IL3RA: variants seen among roughly 807,000 people sequenced by gnomAD.
The protein encoded by IL3RA is interleukin-3 receptor subunit alpha.
Under a neutral mutation model 52.3 loss-of-function variants are expected in IL3RA, and 73 were observed. The ratio of observed to expected loss-of-function variants is 1.40; its 90% CI spans 1.16 to 1.70. The LOEUF is 1.70. Ranked by LOEUF, IL3RA falls within the 40% of genes most tolerant of loss-of-function variation. The pLI is 0.00. For synonymous variants in IL3RA, 260 were observed against 194.0 expected, an observed-to-expected ratio of 1.34 and a Z score of -2.83; for missense variants, 664 against 504.4, an observed-to-expected ratio of 1.32 and a Z score of -3.03.
intron 4 of IL3RA, among the ~76,000 whole-genome samples, chrX:1,348,754 CCTCT>C (rs763185346): frequency 0.026 from 3,547 of 135,234 alleles, 109 homozygotes; most frequent in Non-Finnish European, 0.041. Flanking sequence ...TTCCTTCTTT[CCTCT>C]CTTTCTTTTC....
rs772199553 is a variant in IL3RA, at chrX:1,348,317, C to T, written c.184-114C>T. On this transcript the variant is annotated intron_variant, in intron 3 of 11. Coordinates refer to ENST00000331035, the MANE Select transcript of IL3RA (RefSeq NM_002183.4). ...GCAGTGAGCCGAGATCACGCCACTG[C>T]ACTCCAGCGTGGGCGACGAGAGCGA... 132 of 802,692 alleles carry T rather than the reference C, an allele frequency of 1.6e-4. No individual in the cohort carries two copies. The East Asian group carries it at 3.0e-3, about 18-fold the overall frequency. The allele number at this position is 802,692 out of a possible 1,614,324, so 49.7% of individuals were successfully genotyped here. A position where few individuals can be genotyped will look rare whatever the true frequency, so the allele number is the denominator to read the frequency against.
chrX:1,347,830 A>G (rs1184975960), intron 3 of IL3RA, among the ~76,000 whole-genome samples: 3 of 148,838 alleles, frequency 2.0e-5, no homozygotes, highest in Non-Finnish European at 4.4e-5. Context: ...CGAGGTCAGG[A>G]GATCGAGACC....
intron 9 of IL3RA, among the ~76,000 whole-genome samples, chrX:1,378,182 CAAAAA>C (rs370693489): frequency 1.2e-5 from 1 of 86,306 alleles, no homozygotes; most frequent in Non-Finnish European, 2.5e-5. Context: ...GACTCCATCT[CAAAAA>C]AAAAAAAAAA....
In IL3RA at chrX:1,378,775, G is replaced by C. The variant is rs374884542; in HGVS notation, c.980+11G>C. ...CGTGATCTGCAGAAGGTGAGCCCTCGAGGGCGTCCGCGAGCGTCGCTTGTT... is the reference window on the plus strand; with the variant it reads ...CGTGATCTGCAGAAGGTGAGCCCTCCAGGGCGTCCGCGAGCGTCGCTTGTT... On this transcript the variant is annotated intron_variant, in intron 10 of 11. Transcript: ENST00000331035. The C allele has an allele frequency of 2.5e-6, 4 of 1,609,898 alleles. No homozygotes were observed. In the East Asian group the frequency reaches 8.9e-5, roughly 36 times the overall value.
intron 2 of IL3RA, among the ~76,000 whole-genome samples, chrX:1,344,204 C>T (rs1364436818): frequency 5.3e-5 from 8 of 152,004 alleles, no homozygotes; most frequent in Admixed American, 2.6e-4. Context: ...GAGGCTGAGG[C>T]AGGCAGATCA....
chrX:1,349,847 G>C (rs1247850225), intron 4 of IL3RA, among the ~76,000 whole-genome samples: 1 of 149,754 alleles, frequency 6.7e-6, no homozygotes, highest in East Asian at 2.1e-4. Flanking sequence ...ATTTTAAGTA[G>C]AGACGGGGCT....
chrX:1,344,001 A>G (rs1311113979), intron 2 of IL3RA, among the ~76,000 whole-genome samples: 16 of 151,780 alleles, frequency 1.1e-4, no homozygotes, highest in Admixed American at 2.6e-4. Flanking sequence ...TCACCGTGTT[A>G]GCCAGGATGG....
chrX:1,382,253 G>A, intron 11 of IL3RA, 138 bp from the exon 12 acceptor site: 3 of 817,816 alleles, frequency 3.7e-6, no homozygotes, highest in Non-Finnish European at 6.2e-6. Flanking sequence ...CTGGCCCAAA[G>A]TGCTGGGATG....
At chrX:1,348,647 TTTCTTTCTTTCTTTCTTTCTTTCTTTC>T (rs2085897948) in intron 4 of IL3RA, 102 bp downstream of exon 4, 13 of 308,022 alleles carry the variant, frequency 4.2e-5, no homozygotes, top group East Asian at 2.9e-4. Flanking sequence ...TCTTTTTCTC[TTTCTTTCTTTCTTTCTTTCTTTCTTTC>T]TTTCTTTCTT....
chrX:1,337,351 G>A (rs747721055), intron 1 of IL3RA, among the ~76,000 whole-genome samples: 7 of 152,208 alleles, frequency 4.6e-5, no homozygotes, highest in South Asian at 4.2e-4. Flanking sequence ...ACTGCCAGCC[G>A]GGGAGCCGCT....
chrX:1,382,323 C>G, intron 11 of IL3RA, 68 bp from the exon 12 acceptor site: 1 of 986,984 alleles, frequency 1.0e-6, no homozygotes, highest in Non-Finnish European at 1.4e-6. Flanking sequence ...CAGGCCCCCG[C>G]AGATCAGGAC....
In IL3RA at chrX:1,345,422, C is replaced by T; in HGVS notation, c.171C>T (p.Asp57=). 1.3e-6 allele frequency: 2 copies of T among 1,590,828 alleles called. No individual in the cohort carries two copies. The highest frequency in any genetic ancestry group is 1.7e-6 in the Non-Finnish European group (2 of 1,163,542). ...ATATCGAGTGTGTTAAAGACGCCGA[C>T]TATTCTATGCCGGTAAATCATACTC... ...VTDIECVKDA[D]YSMPAVNNSY... The change falls in exon 3 of 12, where the codon GAC becomes GAT. Residue 57 remains aspartate, a synonymous_variant. Coordinates refer to ENST00000331035, the MANE Select transcript of IL3RA (RefSeq NM_002183.4).
chrX:1,344,579 C>G (rs2085644217), intron 2 of IL3RA, among the ~76,000 whole-genome samples: 1 of 151,146 alleles, frequency 6.6e-6, no homozygotes, highest in Admixed American at 6.6e-5. Context: ...TCGAGACCAT[C>G]CTGGCCAACA....
chrX:1,381,008 T>A lies in IL3RA; in HGVS notation c.981-15T>A, dbSNP rs2089152024. 1 of 1,612,598 alleles carries A rather than the reference T, an allele frequency of 6.2e-7. No individual in the cohort carries two copies. The highest frequency in any genetic ancestry group is 1.3e-5 in the African/African-American group (1 of 74,858). ...GTTTTGGGTTCAGAGCTGGGCCATT[T>A]CTCTTTCCTCCGAGGTATCTGGTGA... On this transcript the variant is annotated splice_polypyrimidine_tract_variant and intron_variant, in intron 10 of 11. Transcript: ENST00000331035.
chrX:1,347,349 C>A (rs773012094), intron 3 of IL3RA, among the ~76,000 whole-genome samples: 1 of 151,042 alleles, frequency 6.6e-6, no homozygotes, highest in Non-Finnish European at 1.5e-5. Context: ...GAGGCTGAGG[C>A]AGGAGAATGG....
chrX:1,356,771 CAAA>C (rs749215619), intron 7 of IL3RA, among the ~76,000 whole-genome samples: 1 of 122,242 alleles, frequency 8.2e-6, no homozygotes. Flanking sequence ...GACTCCGTCT[CAAA>C]AAAAAAAAAA....
chrX:1,344,126 C>T (rs1238709882), intron 2 of IL3RA, among the ~76,000 whole-genome samples: 1 of 152,022 alleles, frequency 6.6e-6, no homozygotes, highest in African/African-American at 2.4e-5. Context: ...ACAGAAGTCT[C>T]CTGTGTACAT....
At chrX:1,364,475 G>A (rs1353952821) in intron 8 of IL3RA, among the ~76,000 whole-genome samples, 2 of 152,230 alleles carry the variant, frequency 1.3e-5, no homozygotes, top group East Asian at 1.9e-4. Flanking sequence ...TGGGCAACAA[G>A]AGTGAAACTC....
chrX:1,361,977 ACTCT>A (rs1386548817), intron 8 of IL3RA, among the ~76,000 whole-genome samples: 40 of 149,878 alleles, frequency 2.7e-4, no homozygotes, highest in Admixed American at 1.7e-3. Flanking sequence ...TACATCACCC[ACTCT>A]CTCTGTCTCT....
Sources: gnomAD v4.1 joint callset for allele counts (sites outside exome capture counted in the v4.1 genomes callset) on GRCh38, gnomAD v4.1.1 for gene constraint, MANE v1.5 for transcripts, NCBI Gene and HGNC (gene_info 2026-07-23, HGNC 2026-07-21) for gene names.